Variants in PTPRN2 observed in about 807,000 individuals in gnomAD.
The protein encoded by PTPRN2 is protein tyrosine phosphatase receptor type N2.
A neutral mutation model predicts 118.8 loss-of-function variants in PTPRN2; 74 were observed. The ratio of observed to expected loss-of-function variants is 0.62; its 90% CI spans 0.52 to 0.76. The LOEUF (loss-of-function observed/expected upper bound fraction) is 0.76, where lower values mean the gene tolerates loss of function less well. PTPRN2 is among the 30% of genes least tolerant of loss of function. The pLI is 0.00. For missense variants in PTPRN2, 1,481 were observed against 1,394.4 expected (o/e 1.06, Z -0.99); for synonymous variants, 641 against 608.0 (o/e 1.05, Z -0.80).
At chr7:158,418,535 C>T (rs910076304) in intron 2 of PTPRN2, among the ~76,000 whole-genome samples, 1 of 69,714 alleles carries the variant, frequency 1.4e-5, no homozygotes, top group East Asian at 1.1e-3. Context: ...TGTACTACAT[C>T]GAGATGCTGT....
At chr7:157,848,418 TCATTA>T (rs1809034063) in intron 12 of PTPRN2, among the ~76,000 whole-genome samples, 1 of 152,028 alleles carries the variant, frequency 6.6e-6, no homozygotes, top group African/African-American at 2.4e-5. Flanking sequence ...GAGCCCTCTC[TCATTA>T]CATCATGTGT....
At chr7:157,650,244 G>A (rs945663688) in intron 14 of PTPRN2, among the ~76,000 whole-genome samples, 45 of 152,174 alleles carry the variant, frequency 3.0e-4, no homozygotes, top group African/African-American at 9.2e-4. Flanking sequence ...AAACCTGCCC[G>A]CCGGAGAGAG....
At chr7:157,747,869 T>A (rs1407669428) in intron 12 of PTPRN2, among the ~76,000 whole-genome samples, 1 of 145,578 alleles carries the variant, frequency 6.9e-6, no homozygotes, top group African/African-American at 2.6e-5. Context: ...CCTGCGTCCC[T>A]GAGCTGTGGG....
chr7:158,430,666 C>A (rs1050504296), intron 2 of PTPRN2, among the ~76,000 whole-genome samples: 1 of 152,230 alleles, frequency 6.6e-6, no homozygotes, highest in Non-Finnish European at 1.5e-5. Context: ...AAAGCCCACT[C>A]GGTGCCTTGT....
rs1282222803 is a variant in PTPRN2, at chr7:157,619,804, G to C, written c.2344+1558C>G. On this transcript the variant is annotated intron_variant, in intron 15 of 22. Transcript: ENST00000389418. The surrounding 1 kb of genome is among the most constrained non-coding windows in gnomAD (Gnocchi z 5.3). ...TCCTGAGGGCTGGAAGGAGGGCAAG[G>C]GCAGTGCCTCTCCCTGGCGTGGGGG... Among the ~76,000 whole-genome samples, 1 of 152,198 alleles carries C rather than the reference G, an allele frequency of 6.6e-6. No homozygotes were observed. The highest frequency in any genetic ancestry group is 2.4e-5 in the African/African-American group (1 of 41,458).
chr7:157,697,680 T>C (rs1797864563), intron 12 of PTPRN2, among the ~76,000 whole-genome samples: 1 of 148,760 alleles, frequency 6.7e-6, no homozygotes, highest in African/African-American at 2.5e-5. Flanking sequence ...CGTCTACCCA[T>C]GCATACTGGG....
At chr7:158,467,874 G>A (rs1462932411) in intron 2 of PTPRN2, among the ~76,000 whole-genome samples, 1 of 152,150 alleles carries the variant, frequency 6.6e-6, no homozygotes, top group Non-Finnish European at 1.5e-5. Context: ...AGGCCCTGTT[G>A]ATGTTTCTGT....
At chr7:158,248,482 A>T (rs1181410528) in intron 3 of PTPRN2, among the ~76,000 whole-genome samples, 1 of 152,184 alleles carries the variant, frequency 6.6e-6, no homozygotes, top group African/African-American at 2.4e-5. Context: ...TAAATTCAAA[A>T]TTTTCAAAAT....
At position 158,051,390 on chromosome 7, in the gene PTPRN2, G is replaced by A. The variant is rs572444787; in HGVS notation, c.1723+29908C>T. On this transcript the variant is annotated intron_variant, in intron 11 of 22. Coordinates refer to ENST00000389418, the MANE Select transcript of PTPRN2 (RefSeq NM_002847.5). ...CCCCTCAAACATCAGAACTTCCCAA[G>A]ACTCCCAAGGAGCTGCTGGCCCCAG... 5.3e-5 allele frequency among the ~76,000 whole-genome samples: 8 copies of A among 152,306 alleles called. No homozygotes were observed. In the South Asian group the frequency reaches 1.7e-3, roughly 32 times the overall value.
At chr7:157,659,202 G>A (rs994280578) in intron 13 of PTPRN2, among the ~76,000 whole-genome samples, 11 of 151,330 alleles carry the variant, frequency 7.3e-5, no homozygotes, top group African/African-American at 2.7e-4. Flanking sequence ...GGTGCTGTGG[G>A]AAGGGGCCCT....
intron 12 of PTPRN2, among the ~76,000 whole-genome samples, chr7:157,839,973 T>G (rs1359689409): frequency 6.6e-6 from 1 of 151,320 alleles, no homozygotes; most frequent in Non-Finnish European, 1.5e-5. Context: ...TGTGACTGTG[T>G]GACCACATTT....
intron 9 of PTPRN2, among the ~76,000 whole-genome samples, chr7:158,111,420 G>A (rs749824229): frequency 2.6e-5 from 4 of 152,284 alleles, no homozygotes; most frequent in Admixed American, 1.3e-4. Flanking sequence ...CACTGTGGCC[G>A]CAGACTCCCC....
Position 157,587,207 on chromosome 7 carries a change from A to G in PTPRN2, c.2496+8031T>C, listed in dbSNP as rs950189339. 3.3e-5 allele frequency among the ~76,000 whole-genome samples: 5 copies of G among 151,576 alleles called. No individual in the cohort carries two copies. Among genetic ancestry groups the G allele is most frequent in the Admixed American group, 6.6e-5 (1 of 15,244 alleles). ...AGATAGAGACAAGACAGGCAGGCAGACAGAGACAAGACACACAGGCAGACA... is the reference window on the plus strand; with the variant it reads ...AGATAGAGACAAGACAGGCAGGCAGGCAGAGACAAGACACACAGGCAGACA... On this transcript the variant is annotated intron_variant, in intron 17 of 22. Coordinates refer to ENST00000389418, the MANE Select transcript of PTPRN2 (RefSeq NM_002847.5). The surrounding 1 kb of genome is among the most constrained non-coding windows in gnomAD (Gnocchi z 5.3).
At chr7:157,576,537 C>G (rs1800051089) in intron 19 of PTPRN2, 76 bp downstream of exon 19, 1 of 1,390,420 alleles carries the variant, frequency 7.2e-7, no homozygotes, top group Non-Finnish European at 9.6e-7. Flanking sequence ...AGGGGCGTCT[C>G]AGGAGCACCG....
intron 5 of PTPRN2, among the ~76,000 whole-genome samples, chr7:158,186,264 G>A (rs1281961007): frequency 6.6e-6 from 1 of 152,156 alleles, no homozygotes; most frequent in Non-Finnish European, 1.5e-5. Flanking sequence ...ATCCCTTTCT[G>A]GAATGCAGTT....
intron 2 of PTPRN2, among the ~76,000 whole-genome samples, chr7:158,486,335 T>G (rs1821020338): frequency 6.6e-6 from 1 of 152,254 alleles, no homozygotes; most frequent in African/African-American, 2.4e-5. Flanking sequence ...TTTCCTTTTT[T>G]CTATTGTGGA....
At chr7:157,832,650 G>A (rs1482407330) in intron 12 of PTPRN2, among the ~76,000 whole-genome samples, 1 of 152,228 alleles carries the variant, frequency 6.6e-6, no homozygotes, top group African/African-American at 2.4e-5. Context: ...TGGGGGAGGT[G>A]AGGGTGAGAA....
intron 2 of PTPRN2, among the ~76,000 whole-genome samples, chr7:158,484,327 C>T (rs983609576): frequency 6.6e-6 from 1 of 152,132 alleles, no homozygotes; most frequent in African/African-American, 2.4e-5. Flanking sequence ...CTGTCTCTAC[C>T]GACTTACCTC....
intron 2 of PTPRN2, among the ~76,000 whole-genome samples, chr7:158,481,506 C>T (rs1396862639): frequency 1.3e-5 from 2 of 152,208 alleles, no homozygotes; most frequent in East Asian, 3.8e-4. Context: ...GCTCTGTCGC[C>T]CAAGCTGGAG....
Sources: gnomAD v4.1 joint callset for allele counts (sites outside exome capture counted in the v4.1 genomes callset) on GRCh38, gnomAD v4.1.1 for gene constraint, Gnocchi (gnomAD v3.1) non-coding constraint, MANE v1.5 for transcripts, NCBI Gene and HGNC (gene_info 2026-07-23, HGNC 2026-07-21) for gene names.